The following SCAF11 variants were observed in gnomAD, a reference collection of about 807,000 sequenced individuals.
SCAF11 encodes SR-related CTD associated factor 11.
In SCAF11, 47 loss-of-function variants were observed where a neutral mutation model predicts 140.5. The ratio of observed to expected loss-of-function variants is 0.33; its 90% CI spans 0.26 to 0.43. The LOEUF is 0.43. Among genes scored for constraint, SCAF11 ranks in the 20% least tolerant of loss-of-function variants. The probability of loss-of-function intolerance (pLI) is 1.00; values close to 1 mark genes in which losing one functional copy is unlikely to be tolerated. For synonymous variants in SCAF11, 557 were observed against 579.4 expected (o/e 0.96, Z 0.55); for missense variants, 1,645 against 1,705.1 (o/e 0.96, Z 0.62).
rs558013551 is a variant in SCAF11 at position 45,988,165 on chromosome 12, C to G, written c.-22+2188G>C. ...TGGATTTTAAGTTTATTTCACTGGG[C>G]AAGGTAAGTCAAGGTACAATTTACA... On this transcript the variant is annotated intron_variant, in intron 1 of 14. Transcript: ENST00000369367. Among the ~76,000 whole-genome samples, 272 of 152,236 alleles carry G rather than the reference C, an allele frequency of 1.8e-3. 5 individuals are homozygous for G. The highest frequency in any genetic ancestry group is 4.4e-5 in the Non-Finnish European group (3 of 68,010).
upstream of SCAF11, chr12:45,990,712 G>A: frequency 1.5e-6 from 1 of 668,962 alleles, no homozygotes; most frequent in African/African-American, 1.9e-5. Flanking sequence ...TTACTCGCTC[G>A]CTCTGGCCCT....
chr12:45,926,779 A>T lies in SCAF11; in HGVS notation c.2922T>A (p.Gly974=). 6.2e-7 allele frequency: 1 copy of T among 1,614,124 alleles called. No homozygotes were observed. Reference sequence around the variant, plus strand: ...GATCATTTCCTCGTGGACATCTCCAACCATCATTTGCCCATCTTCCCTTCC... The same window carrying T: ...GATCATTTCCTCGTGGACATCTCCATCCATCATTTGCCCATCTTCCCTTCC... The part of the protein sequence containing the change: ...PRWKGRWAND[G]WRCPRGNDRY... The change falls in exon 11 of 15, where the codon GGT becomes GGA. Residue 974 remains glycine (G), a synonymous_variant. Transcript: ENST00000369367.
intron 3 of SCAF11, 108 bp downstream of exon 3, chr12:45,961,592 A>T: frequency 1.1e-6 from 1 of 943,790 alleles, no homozygotes; most frequent in Non-Finnish European, 1.5e-6. Flanking sequence ...TGTCCAAAGT[A>T]GGAAGAAAAT....
intron 5 of SCAF11, among the ~76,000 whole-genome samples, chr12:45,947,177 A>C (rs1945441622): frequency 6.6e-6 from 1 of 152,224 alleles, no homozygotes; most frequent in South Asian, 2.1e-4. Context: ...ATATTGACTT[A>C]AAAATTCAAC....
chr12:45,952,110 A>T (rs545200536), intron 3 of SCAF11, among the ~76,000 whole-genome samples: 6 of 152,230 alleles, frequency 3.9e-5, no homozygotes, highest in African/African-American at 1.4e-4. Context: ...ATATTCTATG[A>T]CTTAATATTT....
rs551867562 is a variant in SCAF11 at position 45,935,952 on chromosome 12, A to G, written c.464-1447T>C. Among the ~76,000 whole-genome samples, 12 of 152,244 alleles carry G rather than the reference A, an allele frequency of 7.9e-5. No individual in the cohort carries two copies. In the South Asian group the frequency reaches 1.9e-3, roughly 24 times the overall value. On this transcript the variant is annotated intron_variant, in intron 6 of 14. Coordinates refer to ENST00000369367, the MANE Select transcript of SCAF11 (RefSeq NM_004719.3). Reference sequence around the variant, plus strand: ...GGGCAGTGATACGCCTTTTCATTTAATTTTTATCAAAGTAATGCATGTACA... The same window carrying G: ...GGGCAGTGATACGCCTTTTCATTTAGTTTTTATCAAAGTAATGCATGTACA...
At position 45,947,970 on chromosome 12, in the gene SCAF11, C is replaced by A. The variant is rs182354924; in HGVS notation, c.398+467G>T. 1.2e-4 allele frequency among the ~76,000 whole-genome samples: 18 copies of A among 152,324 alleles called. No individual in the cohort carries two copies. The East Asian group carries it at 3.5e-3, about 29-fold the overall frequency. ...AGCCTTAAAGGTGTGAGCCACCACA[C>A]CTGGCCAGCATTCAGAAATTTTACA... On this transcript the variant is annotated intron_variant, in intron 5 of 14. Transcript: ENST00000369367.
intron 6 of SCAF11, among the ~76,000 whole-genome samples, chr12:45,935,710 A>C (rs1945157444): frequency 6.6e-6 from 1 of 152,196 alleles, no homozygotes; most frequent in African/African-American, 2.4e-5. Flanking sequence ...TCATTAGATA[A>C]AATGCTCTCT....
intron 10 of SCAF11, 51 bp downstream of exon 10, chr12:45,931,455 G>C (rs1945043208): frequency 1.0e-6 from 1 of 958,818 alleles, no homozygotes; most frequent in Non-Finnish European, 1.4e-6. Flanking sequence ...GAAACTGGAA[G>C]AAACTAATAA....
At position 45,928,294 on chromosome 12, in the gene SCAF11, T is replaced by A. The variant is rs1944947180; in HGVS notation, c.1407A>T (p.Arg469Ser). Residue 469 changes from arginine to serine, a missense_variant, in exon 11 of 15, where the codon AGA becomes AGT. By Grantham distance (110) the Arg-to-Ser change is moderately radical. Coordinates refer to ENST00000369367, the MANE Select transcript of SCAF11 (RefSeq NM_004719.3). ...AAGACTCAGAAGATGAAGATCCTAC[T>A]CTTTCCTCTGTATCATAATTTGCAG... is the stretch of plus-strand genomic sequence containing the variant. ...KHTANYDTEERVGSSSSESCA... is the reference protein window; with the variant it reads ...KHTANYDTEESVGSSSSESCA... The A allele has an allele frequency of 6.2e-7, 1 of 1,613,974 alleles. No homozygotes were observed. Among genetic ancestry groups the A allele is most frequent in the Non-Finnish European group, 8.5e-7 (1 of 1,179,962 alleles).
intron 1 of SCAF11, among the ~76,000 whole-genome samples, chr12:45,971,836 T>C (rs947854775): frequency 2.0e-5 from 3 of 151,756 alleles, no homozygotes; most frequent in Non-Finnish European, 4.4e-5. Context: ...AGATGAACCA[T>C]CCTCACCAAA....
chr12:45,954,544 A>G (rs926960748), intron 3 of SCAF11, among the ~76,000 whole-genome samples: 1 of 148,834 alleles, frequency 6.7e-6, no homozygotes, highest in Non-Finnish European at 1.5e-5. Context: ...ATTTTGAATT[A>G]TGACAGTTTT....
At chr12:45,991,860 G>A (rs866088122), upstream of SCAF11, 3 of 1,281,452 alleles carry the variant, frequency 2.3e-6, no homozygotes, top group Middle Eastern at 2.2e-4. Context: ...GCAGGACTAA[G>A]CTCTGCTCCC....
intron 1 of SCAF11, among the ~76,000 whole-genome samples, chr12:45,979,651 C>A (rs1244989255): frequency 6.6e-6 from 1 of 152,094 alleles, no homozygotes; most frequent in African/African-American, 2.4e-5. Flanking sequence ...ACAGTGTAAA[C>A]AGGACATCTA....
At chr12:45,989,591 G>A (rs887782439) in intron 1 of SCAF11, among the ~76,000 whole-genome samples, 5 of 152,194 alleles carry the variant, frequency 3.3e-5, no homozygotes, top group Admixed American at 2.0e-4. Flanking sequence ...TGGCAAGACC[G>A]CCAGCCATCT....
At position 45,945,289 on chromosome 12, in the gene SCAF11, A is replaced by T; in HGVS notation, c.423T>A (p.Asp141Glu). The T allele has an allele frequency of 3.8e-6, 6 of 1,579,188 alleles. No individual in the cohort carries two copies. Among genetic ancestry groups the T allele is most frequent in the East Asian group, 2.3e-5 (1 of 44,216 alleles). Reference sequence around the variant, plus strand: ...AGTCACAAACTTTTGCACTTAATAGATCTTCTCTTACGATGGCTTTTCTTC... The same window carrying T: ...AGTCACAAACTTTTGCACTTAATAGTTCTTCTCTTACGATGGCTTTTCTTC... ...CIRRKAIVREDLLSAKVCDLK... is the reference protein window; with the variant it reads ...CIRRKAIVREELLSAKVCDLK... Residue 141 changes from aspartate to glutamate, a missense_variant, in exon 6 of 15, where the codon GAT (aspartate) becomes GAA (glutamate). Physicochemically the swap from Asp to Glu is conservative, Grantham distance 45. Around this residue, in one of 2 missense-constraint regions of SCAF11, gnomAD observed 1,582 missense variants for 1,609.2 expected, o/e 0.98. Transcript: ENST00000369367.
At chr12:45,939,304 C>T (rs1376276989) in intron 6 of SCAF11, among the ~76,000 whole-genome samples, 1 of 152,058 alleles carries the variant, frequency 6.6e-6, no homozygotes, top group Middle Eastern at 3.2e-3. Flanking sequence ...AAACTCTATT[C>T]ATTAGTTTGA....
Position 45,964,108 on chromosome 12 carries a change from T to A in SCAF11, c.60A>T (p.Glu20Asp), listed in dbSNP as rs768674926. Residue 20 changes from glutamate to aspartate, a missense_variant and splice_region_variant, in exon 2 of 15, where the codon GAA becomes GAT. Transcript: ENST00000369367. Reference sequence around the variant, plus strand: ...AACTTTATAAAAATGAAAAGTTACCTTCCATGTCTTCATACTTCTTATCTC... The same window carrying A: ...AACTTTATAAAAATGAAAAGTTACCATCCATGTCTTCATACTTCTTATCTC... The part of the protein sequence containing the change: ...NMGDKKYEDM[E>D]GEENGDNTIS... 46 of 1,473,956 alleles carry A rather than the reference T, an allele frequency of 3.1e-5. No individual in the cohort carries two copies. The highest frequency in any genetic ancestry group is 4.3e-5 in the Non-Finnish European group (46 of 1,064,448). The allele number at this position is 1,473,956 out of a possible 1,614,324, so 91.3% of individuals were successfully genotyped here. A position where few individuals can be genotyped will look rare whatever the true frequency, so the allele number is the denominator to read the frequency against.
At chr12:45,953,525 CAG>C (rs1945600828) in intron 3 of SCAF11, among the ~76,000 whole-genome samples, 1 of 152,104 alleles carries the variant, frequency 6.6e-6, no homozygotes, top group Non-Finnish European at 1.5e-5. Context: ...GCCTAGGCAA[CAG>C]AGTGAGATCC....
Sources: gnomAD v4.1 joint callset for allele counts (sites outside exome capture counted in the v4.1 genomes callset) on GRCh38, gnomAD v4.1.1 for gene constraint, gnomAD v4.1.1 regional missense constraint, MANE v1.5 for transcripts, NCBI Gene and HGNC (gene_info 2026-07-23, HGNC 2026-07-21) for gene names.